The following MED12 variants were observed in gnomAD, a reference collection of about 807,000 sequenced individuals.
MED12 encodes mediator of RNA polymerase II transcription subunit 12.
Under a neutral mutation model 177.7 loss-of-function variants are expected in MED12, and 10 were observed. That is an observed-to-expected ratio of 0.06 (90% CI 0.03 to 0.10). The LOEUF (loss-of-function observed/expected upper bound fraction) is 0.10, where lower values mean the gene tolerates loss of function less well. Ranked by LOEUF, MED12 falls within the 10% of genes least tolerant of loss-of-function variation. The probability of loss-of-function intolerance (pLI) is 1.00; values close to 1 mark genes in which losing one functional copy is unlikely to be tolerated. For synonymous variants in MED12, 641 were observed against 678.4 expected, an observed-to-expected ratio of 0.94 and a Z score of 0.86; for missense variants, 867 against 1,780.8, an observed-to-expected ratio of 0.49 and a Z score of 9.23.
intron 43 of MED12, 62 bp from the exon 44 acceptor site, chrX:71,141,821 G>C: frequency 9.3e-7 from 1 of 1,070,942 alleles, no homozygotes; most frequent in South Asian, 1.9e-5. Flanking sequence ...AACGGATTGG[G>C]AAAGGAGGTT....
At chrX:71,130,454 C>T (rs2092314112) in intron 28 of MED12, among the ~76,000 whole-genome samples, 4 of 112,571 alleles carry the variant, frequency 3.6e-5, no homozygotes, top group Non-Finnish European at 7.5e-5. Context: ...GTGAATCTAG[C>T]TTATCAATGG....
chrX:71,141,708 C>T (rs770617655), intron 43 of MED12, among the ~76,000 whole-genome samples, 175 bp from the exon 44 acceptor site: 1 of 110,351 alleles, frequency 9.1e-6, no homozygotes, highest in Non-Finnish European at 1.9e-5. Context: ...GAGGCTGAGG[C>T]AGAGAATTGC....
At position 71,122,902 on chromosome X, in the gene MED12, A is replaced by G. The variant is rs756479324; in HGVS notation, c.1485+28A>G. Reference sequence around the variant, plus strand: ...AAGCGAAAAGGGGAATAGAAGGAGCAAAAAACATTGCAAGAGCAATAATAT... The same window carrying G: ...AAGCGAAAAGGGGAATAGAAGGAGCGAAAAACATTGCAAGAGCAATAATAT... On this transcript the variant is annotated intron_variant, in intron 10 of 44. Transcript: ENST00000374080. The G allele has an allele frequency of 9.1e-6, 11 of 1,203,346 alleles. No homozygotes were observed. In the African/African-American group the frequency reaches 1.6e-4, roughly 17 times the overall value.
rs2092301131 is a variant in MED12, at chrX:71,125,659, A to G, written c.2372-4A>G. On this transcript the variant is annotated splice_polypyrimidine_tract_variant and splice_region_variant and intron_variant, in intron 16 of 44. Transcript: ENST00000374080. Reference sequence around the variant, plus strand: ...ACTTCCCCCCTCATTCCCCCCCTCTACAGACCAGCTTGCTCCTATTGTGCC... The same window carrying G: ...ACTTCCCCCCTCATTCCCCCCCTCTGCAGACCAGCTTGCTCCTATTGTGCC... 1.6e-6 allele frequency: 1 copy of G among 640,740 alleles called. No individual in the cohort carries two copies. Among genetic ancestry groups the G allele is most frequent in the African/African-American group, 3.1e-5 (1 of 31,899 alleles). The allele number at this position is 640,740 out of a possible 1,213,427, so 52.8% of individuals were successfully genotyped here.
chrX:71,141,805 A>C, intron 43 of MED12, 78 bp from the exon 44 acceptor site: 1 of 1,013,630 alleles, frequency 9.9e-7, no homozygotes, highest in Non-Finnish European at 1.4e-6. Flanking sequence ...CCATCTCAAA[A>C]AAAAAAACGG....
In MED12 at chrX:71,126,068, C is replaced by T. The variant is rs751774081; in HGVS notation, c.2455C>T (p.Arg819Trp). 8.3e-7 allele frequency: 1 copy of T among 1,210,998 alleles called. No homozygotes were observed. The highest frequency in any genetic ancestry group is 1.1e-6 in the Non-Finnish European group (1 of 894,827). The change falls in exon 18 of 45, where the codon CGG (arginine) becomes TGG (tryptophan). Residue 819 changes from arginine to tryptophan, a missense_variant. Transcript: ENST00000374080. ...GGATGGGCAGAAGCGGCGACGCAAC[C>T]GGCCTGAAGCCTTCCCCACTGCTGA... ...GEDGQKRRRN[R>W]PEAFPTAEDI...
intron 28 of MED12, among the ~76,000 whole-genome samples, chrX:71,131,278 C>G (rs971873848): frequency 9.0e-6 from 1 of 110,512 alleles, no homozygotes; most frequent in Non-Finnish European, 1.9e-5. Flanking sequence ...ACAGGTCGCC[C>G]ATCACCACGC....
chrX:71,136,150 G>A, intron 36 of MED12, 131 bp from the exon 37 acceptor site: 1 of 765,527 alleles, frequency 1.3e-6, no homozygotes, highest in Non-Finnish European at 2.0e-6. Context: ...GTGTATCCAT[G>A]TCTGTCTGTC....
chrX:71,140,891 G>T, intron 42 of MED12, 34 bp downstream of exon 42: 1 of 1,200,665 alleles, frequency 8.3e-7, no homozygotes, highest in South Asian at 1.8e-5. Context: ...GGACCTGGGA[G>T]CCCAGGGAGG....
Position 71,136,671 on chromosome X carries a change from G to A in MED12, c.5400+16G>A, listed in dbSNP as rs777417480. The A allele has an allele frequency of 2.8e-5, 34 of 1,204,221 alleles. No individual in the cohort carries two copies. The highest frequency in any genetic ancestry group is 7.0e-5 in the African/African-American group (4 of 56,808). On this transcript the variant is annotated intron_variant, in intron 37 of 44. Coordinates refer to ENST00000374080, the MANE Select transcript of MED12 (RefSeq NM_005120.3). ...CAAGACAGAGGTGAGCGCCTCCCCC[G>A]TGACAGTTCTCCCACAGCCTCTCAC...
At chrX:71,118,911 AGGCACTGAC>A in intron 1 of MED12, 58 bp downstream of exon 1, 3 of 1,011,857 alleles carry the variant, frequency 3.0e-6, no homozygotes, top group Non-Finnish European at 4.1e-6. Flanking sequence ...GCCTAGGAGG[AGGCACTGAC>A]GGCTGGGAAT....
intron 27 of MED12, 42 bp from the exon 28 acceptor site, chrX:71,129,993 C>G: frequency 8.4e-7 from 1 of 1,193,607 alleles, no homozygotes; most frequent in Non-Finnish European, 1.1e-6. Context: ...TTCCTAACCC[C>G]CTCACTGGTT....
chrX:71,136,738 C>T (rs994811483), intron 37 of MED12, 83 bp downstream of exon 37: 38 of 1,179,063 alleles, frequency 3.2e-5, no homozygotes, highest in Non-Finnish European at 4.0e-5. Flanking sequence ...GGGGTGGGGG[C>T]GCATAAGGAA....
intron 1 of MED12, among the ~76,000 whole-genome samples, chrX:71,119,101 C>G (rs2092282591): frequency 9.0e-6 from 1 of 110,530 alleles, no homozygotes; most frequent in South Asian, 3.9e-4. Flanking sequence ...AGAAAGTTGT[C>G]TGAGACAGCT....
intron 28 of MED12, 106 bp from the exon 29 acceptor site, chrX:71,131,444 G>A (rs1475206230): frequency 6.8e-6 from 5 of 736,024 alleles, no homozygotes; most frequent in Non-Finnish European, 1.1e-5. Flanking sequence ...AGACCTCCAG[G>A]AGTCTGTGAT....
chrX:71,133,484 C>A (rs2092323997), intron 33 of MED12, among the ~76,000 whole-genome samples: 1 of 109,667 alleles, frequency 9.1e-6, no homozygotes, highest in Admixed American at 9.7e-5. Flanking sequence ...CAGGTGTGTA[C>A]CACCACACCT....
chrX:71,127,143 C>G lies in MED12; in HGVS notation c.2849+11C>G, dbSNP rs755525809. On this transcript the variant is annotated intron_variant, in intron 20 of 44. Coordinates refer to ENST00000374080, the MANE Select transcript of MED12 (RefSeq NM_005120.3). ...ACAGGTCTTTGAGGGGTAAGCAGAG[C>G]TTCGGAATAACTGAAACAAAGCTCT... 3 of 1,204,940 alleles carry G rather than the reference C, an allele frequency of 2.5e-6. No individual in the cohort carries two copies. Among genetic ancestry groups the G allele is most frequent in the Admixed American group, 4.4e-5 (2 of 45,432 alleles).
chrX:71,127,568 T>C, intron 21 of MED12, 101 bp downstream of exon 21: 1 of 747,996 alleles, frequency 1.3e-6, no homozygotes, highest in Non-Finnish European at 2.0e-6. Flanking sequence ...CCCTGCTGCC[T>C]GTCTAGGGTC....
intron 29 of MED12, 73 bp downstream of exon 29, chrX:71,131,694 A>G: frequency 1.3e-5 from 13 of 1,001,901 alleles, no homozygotes; most frequent in Non-Finnish European, 1.6e-5. Flanking sequence ...GGTCCACCAC[A>G]GAAGAACCTA....
Sources: allele counts gnomAD v4.1 joint callset (sites outside exome capture counted in the v4.1 genomes callset), GRCh38; gene constraint gnomAD v4.1.1; transcripts MANE v1.5; gene names NCBI Gene and HGNC (gene_info 2026-07-23, HGNC 2026-07-21).